The following PRKN variants were observed in gnomAD, a reference collection of about 807,000 sequenced individuals.
The protein encoded by PRKN is E3 ubiquitin-protein ligase parkin.
In PRKN, 56 loss-of-function variants were observed where a neutral mutation model predicts 59.5. The ratio of observed to expected loss-of-function variants is 0.94; its 90% CI spans 0.76 to 1.18. PRKN has a LOEUF of 1.18. PRKN is among the 50% of genes most tolerant of loss of function. PRKN has a pLI of 0.00. For missense variants in PRKN, 657 were observed against 596.4 expected, an observed-to-expected ratio of 1.10 and a Z score of -1.06; for synonymous variants, 250 against 222.1, an observed-to-expected ratio of 1.13 and a Z score of -1.12.
intron 1 of PRKN, among the ~76,000 whole-genome samples, chr6:162,563,261 G>A (rs951300068): frequency 7.9e-5 from 12 of 151,436 alleles, no homozygotes; most frequent in African/African-American, 1.7e-4. Flanking sequence ...CTGAGATCGC[G>A]CCACTGCACT....
In PRKN at chr6:162,302,969, C is replaced by CACAA. The variant is rs1346705192; in HGVS notation, c.172-40205_172-40204insTTGT. Among the ~76,000 whole-genome samples, 790 of 145,798 alleles carry CACAA rather than the reference C, an allele frequency of 5.4e-3. 8 individuals are homozygous for CACAA. Among genetic ancestry groups the CACAA allele is most frequent in the African/African-American group, 0.019 (704 of 37,228 alleles). On this transcript the variant is annotated intron_variant, in intron 2 of 11. Transcript: ENST00000366898. ...GTATTATATGCCTTAAACATACACA[C>CACAA]ACACACACACACACACACACACACA... is the stretch of plus-strand genomic sequence containing the variant.
chr6:161,375,958 G>GA (rs1386499430), intron 10 of PRKN, among the ~76,000 whole-genome samples: 1 of 152,198 alleles, frequency 6.6e-6, no homozygotes, highest in Non-Finnish European at 1.5e-5. Flanking sequence ...AAGCAGTTCA[G>GA]AAAATACACT....
At chr6:162,644,437 A>T (rs191928990) in intron 1 of PRKN, among the ~76,000 whole-genome samples, 1 of 152,288 alleles carries the variant, frequency 6.6e-6, no homozygotes, top group East Asian at 1.9e-4. Context: ...GATCACCATC[A>T]CTGGAGCCAT....
chr6:161,522,801 T>C (rs762004120), intron 9 of PRKN, among the ~76,000 whole-genome samples: 5 of 152,232 alleles, frequency 3.3e-5, no homozygotes, highest in Non-Finnish European at 7.3e-5. Flanking sequence ...AGGTCCTGTG[T>C]AGGGTACTTC....
intron 1 of PRKN, among the ~76,000 whole-genome samples, chr6:162,634,528 C>T (rs1212563000): frequency 6.6e-6 from 1 of 152,200 alleles, no homozygotes; most frequent in South Asian, 2.1e-4. Flanking sequence ...AGCATGAATG[C>T]ACACTTCTTC....
Position 161,402,504 on chromosome 6 carries a change from T to C in PRKN, c.1084-15627A>G, listed in dbSNP as rs1266684617. On this transcript the variant is annotated intron_variant, in intron 9 of 11. Coordinates refer to ENST00000366898, the MANE Select transcript of PRKN (RefSeq NM_004562.3). The surrounding 1 kb of genome is among the most constrained non-coding windows in gnomAD (Gnocchi z 4.5). ...TAAATAGCTTTTTGGTCCCATAACATGAGAGACATTCTGGAAGCTGTGGGG... is the reference window on the plus strand; with the variant it reads ...TAAATAGCTTTTTGGTCCCATAACACGAGAGACATTCTGGAAGCTGTGGGG... Among the ~76,000 whole-genome samples the C allele has an allele frequency of 6.6e-6, 1 of 152,140 alleles. No individual in the cohort carries two copies. The highest frequency in any genetic ancestry group is 1.5e-5 in the Non-Finnish European group (1 of 68,032).
At chr6:162,536,378 A>T (rs551212599) in intron 1 of PRKN, among the ~76,000 whole-genome samples, 47 of 152,286 alleles carry the variant, frequency 3.1e-4, no homozygotes, top group Admixed American at 2.6e-3. Flanking sequence ...TGCACAGACC[A>T]ATATAATCTT....
At chr6:161,845,271 G>A (rs61155347) in intron 6 of PRKN, among the ~76,000 whole-genome samples, 35 of 152,286 alleles carry the variant, frequency 2.3e-4, no homozygotes, top group African/African-American at 7.5e-4. Flanking sequence ...GGCTGGTGGC[G>A]TCTGTCCAGA....
chr6:161,382,483 A>C (rs138222342), intron 10 of PRKN, among the ~76,000 whole-genome samples: 2 of 152,222 alleles, frequency 1.3e-5, no homozygotes, highest in African/African-American at 4.8e-5. Flanking sequence ...TGGAAGTCTC[A>C]GTCTGCACTC....
chr6:162,359,447 A>G (rs1049073718), intron 2 of PRKN, among the ~76,000 whole-genome samples: 3 of 152,108 alleles, frequency 2.0e-5, no homozygotes, highest in African/African-American at 7.2e-5. Flanking sequence ...AAAAAATTCA[A>G]TCACTTGACT....
intron 5 of PRKN, among the ~76,000 whole-genome samples, chr6:162,005,561 A>G (rs1443139932): frequency 1.3e-5 from 2 of 148,464 alleles, no homozygotes; most frequent in African/African-American, 2.5e-5. Flanking sequence ...AAAAAAAAAA[A>G]GGAATGAAAC....
chr6:161,622,062 G>C (rs930622376), intron 7 of PRKN, among the ~76,000 whole-genome samples: 7 of 151,958 alleles, frequency 4.6e-5, no homozygotes, highest in African/African-American at 1.7e-4. Flanking sequence ...TACCTGTTAG[G>C]CCCCCCGTCT....
At chr6:162,040,572 ATTTTTT>A (rs35272845) in intron 5 of PRKN, among the ~76,000 whole-genome samples, 11 of 113,082 alleles carry the variant, frequency 9.7e-5, no homozygotes, top group African/African-American at 3.0e-4. Context: ...ATGCCCGGCT[ATTTTTT>A]TTTTTTTTTT....
At chr6:161,856,858 A>C (rs572224590) in intron 6 of PRKN, among the ~76,000 whole-genome samples, 29 of 152,228 alleles carry the variant, frequency 1.9e-4, no homozygotes, top group Non-Finnish European at 3.8e-4. Flanking sequence ...GTTTATATAA[A>C]TACTGAAAAA....
At chr6:162,150,880 A>T (rs970084462) in intron 4 of PRKN, among the ~76,000 whole-genome samples, 1 of 152,172 alleles carries the variant, frequency 6.6e-6, no homozygotes, top group African/African-American at 2.4e-5. Context: ...GAGGTGAGTC[A>T]AGCAATTATT....
intron 5 of PRKN, among the ~76,000 whole-genome samples, chr6:162,024,607 C>A (rs1232251544): frequency 1.3e-5 from 2 of 152,090 alleles, no homozygotes; most frequent in South Asian, 2.1e-4. Context: ...TAAATGTATT[C>A]CCAGGAATAT....
At chr6:162,484,328 A>T (rs7740239) in intron 1 of PRKN, among the ~76,000 whole-genome samples, 34,524 of 152,088 alleles carry the variant, frequency 0.23, 4,832 homozygotes, top group African/African-American at 0.39. Flanking sequence ...AGGCAGGAAG[A>T]CCTCTTCAGG....
intron 5 of PRKN, among the ~76,000 whole-genome samples, chr6:161,986,662 G>T (rs1781447536): frequency 6.6e-6 from 1 of 152,080 alleles, no homozygotes; most frequent in Non-Finnish European, 1.5e-5. Context: ...TCATTGAGAA[G>T]TCAGGTGCGA....
At chr6:162,087,589 C>CTTTTTTTTTTTTT (rs35184111) in intron 4 of PRKN, among the ~76,000 whole-genome samples, 2 of 102,692 alleles carry the variant, frequency 1.9e-5, no homozygotes, top group Non-Finnish European at 3.6e-5. Context: ...AGAATAATTT[C>CTTTTTTTTTTTTT]TTTTTTTTTT....
Sources: allele counts gnomAD v4.1 joint callset (sites outside exome capture counted in the v4.1 genomes callset), GRCh38; gene constraint gnomAD v4.1.1; non-coding constraint Gnocchi (gnomAD v3.1); transcripts MANE v1.5; gene names NCBI Gene and HGNC (gene_info 2026-07-23, HGNC 2026-07-21).